The following UNC5C variants were observed in gnomAD, a reference collection of about 807,000 sequenced individuals.
The protein encoded by UNC5C is unc-5 netrin receptor C.
UNC5C carries 47 observed loss-of-function variants against 99.8 expected under a neutral mutation model. The observed-to-expected ratio is 0.47, with a 90% CI of 0.37 to 0.60. UNC5C has a LOEUF of 0.60. Among genes scored for constraint, UNC5C ranks in the 20% least tolerant of loss-of-function variants. The probability of loss-of-function intolerance (pLI) is 0.00; values close to 1 mark genes in which losing one functional copy is unlikely to be tolerated. For missense variants in UNC5C, 1,062 were observed against 1,165.9 expected (o/e 0.91, Z 1.30); for synonymous variants, 487 against 452.2 (o/e 1.08, Z -0.98).
At chr4:95,354,479 A>ATATATATATATATATATATATAT in intron 1 of UNC5C, among the ~76,000 whole-genome samples, 9 of 110,344 alleles carry the variant, frequency 8.2e-5, no homozygotes, top group South Asian at 2.9e-4. Flanking sequence ...ATATATATAT[A>ATATATATATATATATATATATAT]TTTTTTTTTT....
chr4:95,294,448 G>A (rs573747457), intron 3 of UNC5C, among the ~76,000 whole-genome samples: 3 of 152,162 alleles, frequency 2.0e-5, no homozygotes, highest in African/African-American at 7.2e-5. Flanking sequence ...GATGCTGGCT[G>A]TGATTTATTG....
rs1401362931 is a variant in UNC5C at position 95,164,205 on chromosome 4, C to T, written c.*5029G>A. 1 of 152,202 alleles carries T rather than the reference C, an allele frequency of 6.6e-6. No homozygotes were observed. The highest frequency in any genetic ancestry group is 2.4e-5 in the African/African-American group (1 of 41,448). 9.4% of individuals were successfully genotyped at this position (152,202 alleles called of 1,614,324 possible). A position where few individuals can be genotyped will look rare whatever the true frequency, so the allele number is the denominator to read the frequency against. On this transcript the variant is annotated 3_prime_UTR_variant, in exon 16 of 16. Coordinates refer to ENST00000453304, the MANE Select transcript of UNC5C (RefSeq NM_003728.4). ...CACCCAGTTCTACACAAAGCCATCT[C>T]CCCACTTTTCAAAAATAGGTTTTTC...
rs550147341 is a variant in UNC5C at position 95,512,934 on chromosome 4, T to C, written c.124+35800A>G. Among the ~76,000 whole-genome samples, 5 of 152,338 alleles carry C rather than the reference T, an allele frequency of 3.3e-5. No individual in the cohort carries two copies. In the East Asian group the frequency reaches 5.8e-4, roughly 18 times the overall value. On this transcript the variant is annotated intron_variant, in intron 1 of 15. Transcript: ENST00000453304. ...TTTTTAAGGACACAAAAATACTTGA[T>C]AAATTAATTAATTTACATTACAGAT...
chr4:95,381,897 A>T (rs1745081557), intron 1 of UNC5C, among the ~76,000 whole-genome samples: 1 of 152,172 alleles, frequency 6.6e-6, no homozygotes, highest in South Asian at 2.1e-4. Context: ...CAACCCTGGA[A>T]TGCAGGTATA....
At chr4:95,498,145 C>T (rs142351535) in intron 1 of UNC5C, among the ~76,000 whole-genome samples, 83 of 152,010 alleles carry the variant, frequency 5.5e-4, no homozygotes, top group African/African-American at 1.7e-3. Flanking sequence ...TCATGGACCC[C>T]GAAAGTCAGT....
intron 4 of UNC5C, among the ~76,000 whole-genome samples, chr4:95,271,937 A>G (rs1740680736): frequency 6.6e-6 from 1 of 152,018 alleles, no homozygotes; most frequent in East Asian, 1.9e-4. Flanking sequence ...CCTGTAACCA[A>G]TCACCTCCTC....
intron 6 of UNC5C, among the ~76,000 whole-genome samples, chr4:95,243,297 T>C (rs1310731974): frequency 6.6e-6 from 1 of 152,182 alleles, no homozygotes; most frequent in East Asian, 1.9e-4. Flanking sequence ...TAGAACTGAC[T>C]TACTTTCTTC....
intron 1 of UNC5C, among the ~76,000 whole-genome samples, chr4:95,385,427 T>C (rs1745186706): frequency 6.6e-6 from 1 of 152,200 alleles, no homozygotes; most frequent in African/African-American, 2.4e-5. Context: ...TAAAGCCAAA[T>C]GATTTTCCAT....
At chr4:95,230,934 T>G (rs1188864997) in intron 7 of UNC5C, among the ~76,000 whole-genome samples, 1 of 152,084 alleles carries the variant, frequency 6.6e-6, no homozygotes, top group Admixed American at 6.5e-5. Context: ...TTTTCTACCT[T>G]TTGAGTATTA....
intron 1 of UNC5C, among the ~76,000 whole-genome samples, chr4:95,492,287 C>A (rs1372352673): frequency 1.3e-5 from 2 of 151,298 alleles, no homozygotes; most frequent in East Asian, 3.9e-4. Flanking sequence ...TATGTGTTTG[C>A]TTCTATCATG....
chr4:95,464,306 G>T (rs265030), intron 1 of UNC5C, among the ~76,000 whole-genome samples: 30,019 of 152,090 alleles, frequency 0.2, 3,316 homozygotes, highest in East Asian at 0.36. Flanking sequence ...TCATTGGCAG[G>T]CTGCATAATA....
At chr4:95,447,601 A>C (rs1747143244) in intron 1 of UNC5C, among the ~76,000 whole-genome samples, 1 of 152,158 alleles carries the variant, frequency 6.6e-6, no homozygotes, top group Non-Finnish European at 1.5e-5. Context: ...CCCAGGTTCA[A>C]GCAATTCCCC....
chr4:95,196,344 C>T (rs926475701), intron 12 of UNC5C, among the ~76,000 whole-genome samples: 2 of 152,100 alleles, frequency 1.3e-5, no homozygotes, highest in African/African-American at 4.8e-5. Context: ...GAATTGATTC[C>T]AAACTATTCT....
intron 10 of UNC5C, among the ~76,000 whole-genome samples, chr4:95,212,396 C>A (rs573325299): frequency 1.3e-5 from 2 of 152,234 alleles, no homozygotes; most frequent in South Asian, 2.1e-4. Flanking sequence ...ATTTATACCG[C>A]GGTTTGTCTG....
At chr4:95,209,842 G>A (rs1454801042) in intron 10 of UNC5C, among the ~76,000 whole-genome samples, 1 of 152,112 alleles carries the variant, frequency 6.6e-6, no homozygotes, top group African/African-American at 2.4e-5. Flanking sequence ...TCTCCTGGAG[G>A]GGGAAAAAAC....
At chr4:95,444,376 G>T (rs1747034173) in intron 1 of UNC5C, among the ~76,000 whole-genome samples, 1 of 150,854 alleles carries the variant, frequency 6.6e-6, no homozygotes, top group African/African-American at 2.4e-5. Flanking sequence ...TGTCGCCCAG[G>T]CTGGAGTGCA....
intron 1 of UNC5C, among the ~76,000 whole-genome samples, chr4:95,352,910 A>G (rs1354177100): frequency 6.6e-6 from 1 of 152,078 alleles, no homozygotes; most frequent in African/African-American, 2.4e-5. Flanking sequence ...AGCATTCCCA[A>G]ATGAATGTGG....
chr4:95,501,001 T>C (rs1219092524), intron 1 of UNC5C, among the ~76,000 whole-genome samples: 1 of 152,152 alleles, frequency 6.6e-6, no homozygotes, highest in African/African-American at 2.4e-5. Flanking sequence ...ACTCTTAGAA[T>C]AATACTACTC....
chr4:95,340,502 A>G (rs1416346813), intron 1 of UNC5C, among the ~76,000 whole-genome samples: 1 of 152,120 alleles, frequency 6.6e-6, no homozygotes. Flanking sequence ...CTTATTTTTA[A>G]TATTTTGATT....
Sources: gnomAD v4.1 joint callset for allele counts (sites outside exome capture counted in the v4.1 genomes callset) on GRCh38, gnomAD v4.1.1 for gene constraint, MANE v1.5 for transcripts, NCBI Gene and HGNC (gene_info 2026-07-23, HGNC 2026-07-21) for gene names.